NRXN3: variants seen among roughly 807,000 people sequenced by gnomAD.
The protein encoded by NRXN3 is neurexin III.
NRXN3 carries 32 observed loss-of-function variants against 137.6 expected under a neutral mutation model. That is an observed-to-expected ratio of 0.23 (90% CI 0.18 to 0.31). The LOEUF is 0.31. Ranked by LOEUF, NRXN3 falls within the 10% of genes least tolerant of loss-of-function variation. NRXN3 has a pLI of 1.00. For missense variants in NRXN3, 1,574 were observed against 2,062.5 expected (o/e 0.76, Z 4.59); for synonymous variants, 798 against 784.5 (o/e 1.02, Z -0.29).
At chr14:78,884,354 C>T (rs2099137303) in intron 10 of NRXN3, among the ~76,000 whole-genome samples, 1 of 152,120 alleles carries the variant, frequency 6.6e-6, no homozygotes, top group Admixed American at 6.6e-5. Flanking sequence ...CGGTGGATAG[C>T]AATTACCACC....
chr14:79,448,520 A>AC (rs758016894), intron 15 of NRXN3, among the ~76,000 whole-genome samples: 1 of 152,198 alleles, frequency 6.6e-6, no homozygotes, highest in Non-Finnish European at 1.5e-5. Context: ...GAGCATAATA[A>AC]ATATTTGTGA....
intron 10 of NRXN3, among the ~76,000 whole-genome samples, chr14:78,877,238 G>A (rs1349435075): frequency 6.6e-6 from 1 of 152,174 alleles, no homozygotes; most frequent in Non-Finnish European, 1.5e-5. Context: ...TTCCACTGGG[G>A]TGCTATGAGG....
chr14:78,521,511 A>G (rs554649486), intron 4 of NRXN3, among the ~76,000 whole-genome samples: 9 of 152,296 alleles, frequency 5.9e-5, no homozygotes, highest in Middle Eastern at 6.8e-3. Context: ...CCTGAAGCCC[A>G]GGGTTAATTT....
chr14:78,219,786 A>G (rs939378253), intron 1 of NRXN3, among the ~76,000 whole-genome samples: 1 of 152,220 alleles, frequency 6.6e-6, no homozygotes, highest in Non-Finnish European at 1.5e-5. Flanking sequence ...AGTTTTAGAA[A>G]GTTAATTCTG....
At chr14:79,285,220 T>C (rs1290679244) in intron 15 of NRXN3, among the ~76,000 whole-genome samples, 3 of 152,164 alleles carry the variant, frequency 2.0e-5, no homozygotes, top group Non-Finnish European at 2.9e-5. Flanking sequence ...CGATACTGGC[T>C]GCGGGATGAA....
chr14:78,909,884 C>G (rs879669589), intron 10 of NRXN3, among the ~76,000 whole-genome samples: 7 of 152,064 alleles, frequency 4.6e-5, no homozygotes, highest in Non-Finnish European at 5.9e-5. Flanking sequence ...ATCTATTTAT[C>G]TGTCAATCTG....
chr14:79,519,065 T>C (rs1392623397), intron 16 of NRXN3, among the ~76,000 whole-genome samples: 1 of 152,208 alleles, frequency 6.6e-6, no homozygotes, highest in African/African-American at 2.4e-5. Flanking sequence ...GCTTTCTTTT[T>C]CTAAGGGTGG....
At chr14:78,446,611 A>AG (rs1214054260) in intron 4 of NRXN3, among the ~76,000 whole-genome samples, 2 of 152,244 alleles carry the variant, frequency 1.3e-5, no homozygotes, top group African/African-American at 4.8e-5. Flanking sequence ...TGATAGTTTA[A>AG]GGGTCTTCAT....
At chr14:78,212,254 G>A (rs1237534242) in intron 1 of NRXN3, among the ~76,000 whole-genome samples, 1 of 152,214 alleles carries the variant, frequency 6.6e-6, no homozygotes. Flanking sequence ...ACATGAAAAT[G>A]ATTTATAAGT....
chr14:78,887,826 G>A (rs2152687484), intron 10 of NRXN3, among the ~76,000 whole-genome samples: 1 of 152,156 alleles, frequency 6.6e-6, no homozygotes, highest in Middle Eastern at 3.4e-3. Context: ...GTGACGATAA[G>A]CAGCAGTTTT....
At chr14:78,471,042 A>G (rs2095255414) in intron 4 of NRXN3, among the ~76,000 whole-genome samples, 1 of 152,146 alleles carries the variant, frequency 6.6e-6, no homozygotes, top group East Asian at 1.9e-4. Flanking sequence ...GTGTAATGAC[A>G]AGGCCTTCAT....
At chr14:79,401,520 T>G (rs916358404) in intron 15 of NRXN3, among the ~76,000 whole-genome samples, 4 of 152,190 alleles carry the variant, frequency 2.6e-5, no homozygotes, top group Non-Finnish European at 5.9e-5. Flanking sequence ...AACCACTGAC[T>G]TAGAGATAAG....
chr14:79,774,745 T>C (rs2099091285), intron 19 of NRXN3, among the ~76,000 whole-genome samples: 1 of 152,228 alleles, frequency 6.6e-6, no homozygotes, highest in African/African-American at 2.4e-5. Context: ...TATTTTCTAT[T>C]TATCAACTGC....
intron 4 of NRXN3, among the ~76,000 whole-genome samples, chr14:78,334,904 T>A (rs2081276944): frequency 6.6e-6 from 1 of 152,062 alleles, no homozygotes; most frequent in Admixed American, 6.6e-5. Flanking sequence ...CAGTGGAAAT[T>A]TTTGCCAACA....
At chr14:79,009,953 A>C (rs1186916132) in intron 15 of NRXN3, among the ~76,000 whole-genome samples, 1 of 152,218 alleles carries the variant, frequency 6.6e-6, no homozygotes, top group Non-Finnish European at 1.5e-5. Flanking sequence ...TCTTTTGAAG[A>C]ATATAGAGAA....
intron 15 of NRXN3, among the ~76,000 whole-genome samples, chr14:79,244,932 A>T (rs1876507021): frequency 6.6e-6 from 1 of 152,092 alleles, no homozygotes; most frequent in Non-Finnish European, 1.5e-5. Context: ...TCACTAAAGG[A>T]TTAGAGGTTT....
At chr14:78,731,770 AT>A (rs370202921) in intron 8 of NRXN3, among the ~76,000 whole-genome samples, 36 of 150,812 alleles carry the variant, frequency 2.4e-4, no homozygotes, top group Admixed American at 1.4e-3. Context: ...AATTATTCTA[AT>A]TTTTCCAGTT....
At chr14:79,150,268 C>A (rs934775708) in intron 15 of NRXN3, among the ~76,000 whole-genome samples, 4 of 151,932 alleles carry the variant, frequency 2.6e-5, no homozygotes, top group Non-Finnish European at 5.9e-5. Context: ...AGGATGTGTC[C>A]AACTTTTGAA....
At chr14:79,734,857 C>T (rs924873424) in intron 19 of NRXN3, among the ~76,000 whole-genome samples, 2 of 152,100 alleles carry the variant, frequency 1.3e-5, no homozygotes, top group Non-Finnish European at 2.9e-5. Flanking sequence ...TCTTGGCTTC[C>T]TTTCTGAATA....
Sources: allele counts gnomAD v4.1 joint callset (sites outside exome capture counted in the v4.1 genomes callset), GRCh38; gene constraint gnomAD v4.1.1; transcripts MANE v1.5; gene names NCBI Gene and HGNC (gene_info 2026-07-23, HGNC 2026-07-21).